ST18: variants seen among roughly 807,000 people sequenced by gnomAD.
ST18 encodes ST18 C2H2C-type zinc finger transcription factor.
Under a neutral mutation model 110.0 loss-of-function variants are expected in ST18, and 50 were observed. That is an observed-to-expected ratio of 0.45 (90% CI 0.36 to 0.58). The LOEUF is 0.58. Ranked by LOEUF, ST18 falls within the 20% of genes least tolerant of loss-of-function variation. The probability of loss-of-function intolerance (pLI) is 0.00; values close to 1 mark genes in which losing one functional copy is unlikely to be tolerated. For missense variants in ST18, 1,306 were observed against 1,280.1 expected, an observed-to-expected ratio of 1.02 and a Z score of -0.31; for synonymous variants, 461 against 452.4, an observed-to-expected ratio of 1.02 and a Z score of -0.24.
chr8:52,198,007 T>C (rs369529911), intron 8 of ST18, among the ~76,000 whole-genome samples: 2 of 151,658 alleles, frequency 1.3e-5, no homozygotes, highest in Non-Finnish European at 3.0e-5. Context: ...CATGTGGCTG[T>C]TTTATTTGTT....
intron 11 of ST18, among the ~76,000 whole-genome samples, chr8:52,166,300 C>T (rs1022597366): frequency 5.3e-5 from 8 of 152,348 alleles, no homozygotes; most frequent in Non-Finnish European, 1.0e-4. Flanking sequence ...TTCCCACAAG[C>T]ACACTTTAAA....
rs748681423 is a variant in ST18 at position 52,149,837 on chromosome 8, G to C, written c.1947C>G (p.Ser649Arg). 4 of 1,614,162 alleles carry C rather than the reference G, an allele frequency of 2.5e-6. No individual in the cohort carries two copies. Among genetic ancestry groups the C allele is most frequent in the East Asian group, 4.5e-5 (2 of 44,876 alleles). The change falls in exon 16 of 26, where the codon AGC becomes AGG. Residue 649 changes from serine to arginine, a missense_variant. Physicochemically the swap from Ser to Arg is moderately radical, Grantham distance 110. Coordinates refer to ENST00000689386, the MANE Select transcript of ST18 (RefSeq NM_001352837.2). ...GATAGAATGCTGCATTGACCAGAAT[G>C]CTGCTTGTTTTGAATGGGGAAGAGG... is the stretch of plus-strand genomic sequence containing the variant. ...TPSSSPFKTSSILVNAAFYQA... is the reference protein window; with the variant it reads ...TPSSSPFKTSRILVNAAFYQA...
intron 9 of ST18, among the ~76,000 whole-genome samples, chr8:52,178,530 T>A (rs2067821943): frequency 6.9e-6 from 1 of 145,266 alleles, no homozygotes; most frequent in Non-Finnish European, 1.5e-5. Flanking sequence ...GGCAGGAGAA[T>A]TGCTTGAACC....
At chr8:52,282,396 T>A (rs550233476) in intron 2 of ST18, among the ~76,000 whole-genome samples, 17 of 152,180 alleles carry the variant, frequency 1.1e-4, no homozygotes, top group Non-Finnish European at 2.2e-4. Flanking sequence ...AAAATTCTAA[T>A]CATGTAACAG....
At chr8:52,266,039 A>G (rs1371096563) in intron 2 of ST18, among the ~76,000 whole-genome samples, 2 of 152,260 alleles carry the variant, frequency 1.3e-5, no homozygotes, top group South Asian at 4.1e-4. Context: ...AACTGTATCA[A>G]GTACTGGCAA....
At chr8:52,329,917 T>C (rs190927022) in intron 2 of ST18, among the ~76,000 whole-genome samples, 31 of 152,324 alleles carry the variant, frequency 2.0e-4, no homozygotes, top group African/African-American at 6.3e-4. Flanking sequence ...TCTGTTTTCG[T>C]AGCTAATAGT....
At chr8:52,180,981 A>G (rs1450545407) in intron 8 of ST18, among the ~76,000 whole-genome samples, 1 of 152,234 alleles carries the variant, frequency 6.6e-6, no homozygotes, top group Non-Finnish European at 1.5e-5. Flanking sequence ...AATGGACAAC[A>G]GTTTATCCTC....
rs958445818 is a variant in ST18 at position 52,180,039 on chromosome 8, T to C, written c.277+83A>G. ...TGTACTTTTACAACCATACAAACCA[T>C]ACAAACCACACACTCTACATGAATT... is the stretch of plus-strand genomic sequence containing the variant. On this transcript the variant is annotated intron_variant, in intron 9 of 25. Transcript: ENST00000689386. The C allele has an allele frequency of 5.0e-6, 7 of 1,398,636 alleles. No homozygotes were observed. The African/African-American group carries it at 5.8e-5, about 11-fold the overall frequency. 86.6% of individuals were successfully genotyped at this position (1,398,636 alleles called of 1,614,324 possible). A position where few individuals can be genotyped will look rare whatever the true frequency, so the allele number is the denominator to read the frequency against.
At chr8:52,240,248 T>C (rs1389605236) in intron 2 of ST18, among the ~76,000 whole-genome samples, 5 of 152,174 alleles carry the variant, frequency 3.3e-5, no homozygotes, top group Non-Finnish European at 7.3e-5. Flanking sequence ...TATGATAATA[T>C]AAAATTTGTG....
chr8:52,209,362 T>G (rs928733259), intron 8 of ST18, among the ~76,000 whole-genome samples: 8 of 152,222 alleles, frequency 5.3e-5, no homozygotes, highest in Non-Finnish European at 1.2e-4. Context: ...TTTCACTTTA[T>G]TCATCTGAAA....
At chr8:52,349,283 A>G (rs895982158) in intron 2 of ST18, among the ~76,000 whole-genome samples, 2 of 152,180 alleles carry the variant, frequency 1.3e-5, no homozygotes, top group African/African-American at 2.4e-5. Context: ...TAAAGCTGCC[A>G]TAACTGTCCT....
intron 2 of ST18, among the ~76,000 whole-genome samples, chr8:52,388,841 G>T (rs1252682809): frequency 6.7e-6 from 1 of 148,250 alleles, no homozygotes; most frequent in African/African-American, 2.5e-5. Context: ...GGGAGGGATA[G>T]CTTTAGGAGA....
chr8:52,295,597 C>A (rs1271423733), intron 2 of ST18, among the ~76,000 whole-genome samples: 2 of 151,936 alleles, frequency 1.3e-5, no homozygotes, highest in Non-Finnish European at 2.9e-5. Flanking sequence ...CTCTGACTTC[C>A]CCCTTTTAAA....
intron 2 of ST18, among the ~76,000 whole-genome samples, chr8:52,364,523 C>T (rs1299381424): frequency 6.6e-6 from 1 of 152,172 alleles, no homozygotes; most frequent in Non-Finnish European, 1.5e-5. Flanking sequence ...ACTTCAGACA[C>T]TGTTTGAAAG....
intron 2 of ST18, among the ~76,000 whole-genome samples, chr8:52,373,934 C>A (rs886588237): frequency 6.6e-6 from 1 of 152,110 alleles, no homozygotes; most frequent in African/African-American, 2.4e-5. Context: ...GCTACAACAT[C>A]CTCCTGGGGT....
At chr8:52,243,936 AAAGTCAGGT>A (rs2137801303) in intron 2 of ST18, among the ~76,000 whole-genome samples, 1 of 152,244 alleles carries the variant, frequency 6.6e-6, no homozygotes, top group Admixed American at 6.5e-5. Flanking sequence ...ATTATTTGAC[AAAGTCAGGT>A]AGCCCTGGAT....
intron 2 of ST18, among the ~76,000 whole-genome samples, chr8:52,350,540 C>G (rs79140873): frequency 6.6e-6 from 1 of 152,242 alleles, no homozygotes; most frequent in South Asian, 2.1e-4. Flanking sequence ...ACAGCAGCAA[C>G]TGCAAACCAA....
intron 8 of ST18, among the ~76,000 whole-genome samples, chr8:52,205,098 T>TACAC (rs60070901): frequency 0.028 from 4,099 of 148,804 alleles, 133 homozygotes; most frequent in African/African-American, 0.079. Context: ...CATATATATA[T>TACAC]ACACACACAC....
intron 2 of ST18, among the ~76,000 whole-genome samples, chr8:52,390,915 G>A (rs1564641652): frequency 6.6e-6 from 1 of 152,238 alleles, no homozygotes; most frequent in African/African-American, 2.4e-5. Context: ...AAAACAGGAA[G>A]AAGAGAAATC....
Sources: allele counts gnomAD v4.1 joint callset (sites outside exome capture counted in the v4.1 genomes callset), GRCh38; gene constraint gnomAD v4.1.1; transcripts MANE v1.5; gene names NCBI Gene and HGNC (gene_info 2026-07-23, HGNC 2026-07-21).